Variants in DAB1 observed in about 807,000 individuals in gnomAD.
The protein encoded by DAB1 is DAB adaptor protein 1.
DAB1 carries 15 observed loss-of-function variants against 64.6 expected under a neutral mutation model. The observed-to-expected ratio is 0.23, with a 90% CI of 0.16 to 0.36. DAB1 has a LOEUF of 0.36. Ranked by LOEUF, DAB1 falls within the 10% of genes least tolerant of loss-of-function variation. The probability of loss-of-function intolerance (pLI) is 1.00; values close to 1 mark genes in which losing one functional copy is unlikely to be tolerated. For missense variants in DAB1, 596 were observed against 706.7 expected, an observed-to-expected ratio of 0.84 and a Z score of 1.78; for synonymous variants, 235 against 251.9, an observed-to-expected ratio of 0.93 and a Z score of 0.64.
At chr1:57,646,311 G>A (rs1443587984) in intron 7 of DAB1, among the ~76,000 whole-genome samples, 1 of 152,176 alleles carries the variant, frequency 6.6e-6, no homozygotes, top group Non-Finnish European at 1.5e-5. Flanking sequence ...CAACTATTCA[G>A]AATGCATTCT....
chr1:57,485,961 G>A (rs1016865010), intron 7 of DAB1, among the ~76,000 whole-genome samples: 1 of 152,088 alleles, frequency 6.6e-6, no homozygotes, highest in Non-Finnish European at 1.5e-5. Flanking sequence ...CAGTCCTTTA[G>A]AGGATCTGCA....
At chr1:58,344,502 G>T (rs1643972746) in intron 3 of DAB1, among the ~76,000 whole-genome samples, 1 of 152,090 alleles carries the variant, frequency 6.6e-6, no homozygotes, top group Admixed American at 6.5e-5. Context: ...GAAGGCATTT[G>T]GAAGAATAAA....
At chr1:58,139,622 A>C (rs1292060005) in intron 5 of DAB1, among the ~76,000 whole-genome samples, 1 of 151,110 alleles carries the variant, frequency 6.6e-6, no homozygotes, top group Non-Finnish European at 1.5e-5. Context: ...ACTACAATTT[A>C]AGGTGAGATT....
At chr1:57,274,952 T>C (rs958794061) in intron 2 of DAB1, among the ~76,000 whole-genome samples, 1 of 152,088 alleles carries the variant, frequency 6.6e-6, no homozygotes, top group Admixed American at 6.6e-5. Context: ...TTATGCAAGT[T>C]TCCTCTTTAA....
intron 7 of DAB1, 152 bp downstream of exon 7, chr1:57,070,871 C>T (rs1448696626): frequency 1.4e-6 from 1 of 708,850 alleles, no homozygotes; most frequent in Non-Finnish European, 2.5e-6. Context: ...GAAATTTGCT[C>T]CTGGAGGGGC....
intron 7 of DAB1, among the ~76,000 whole-genome samples, chr1:57,497,775 C>T (rs761286137): frequency 5.3e-5 from 8 of 152,168 alleles, no homozygotes; most frequent in Non-Finnish European, 1.2e-4. Context: ...AGAAGTCAGA[C>T]CATGCAAAGC....
chr1:57,797,389 G>T (rs1650922340), intron 6 of DAB1, among the ~76,000 whole-genome samples: 1 of 152,178 alleles, frequency 6.6e-6, no homozygotes, highest in African/African-American at 2.4e-5. Context: ...TTGTCTTGCT[G>T]TACGATCCTA....
At chr1:58,305,670 A>T (rs1557727575) in intron 4 of DAB1, among the ~76,000 whole-genome samples, 1 of 152,208 alleles carries the variant, frequency 6.6e-6, no homozygotes, top group Non-Finnish European at 1.5e-5. Context: ...TTTTCAAAAA[A>T]GATCAAGTCA....
At chr1:57,818,344 C>T (rs914157565) in intron 6 of DAB1, among the ~76,000 whole-genome samples, 2 of 152,164 alleles carry the variant, frequency 1.3e-5, no homozygotes, top group African/African-American at 4.8e-5. Context: ...ACTTCTAACG[C>T]CCCATGTCCC....
chr1:57,784,357 G>A (rs1028693255), intron 6 of DAB1, among the ~76,000 whole-genome samples: 3 of 152,132 alleles, frequency 2.0e-5, no homozygotes, highest in Non-Finnish European at 4.4e-5. Context: ...TCGCGCCACT[G>A]CACTTAGGCT....
intron 6 of DAB1, among the ~76,000 whole-genome samples, chr1:57,700,693 T>C (rs1646896863): frequency 6.6e-6 from 1 of 152,208 alleles, no homozygotes; most frequent in Non-Finnish European, 1.5e-5. Flanking sequence ...TGTTTGGTGA[T>C]CTCTGACTTT....
chr1:57,090,054 G>A (rs1463441944), intron 4 of DAB1, among the ~76,000 whole-genome samples: 2 of 152,170 alleles, frequency 1.3e-5, no homozygotes, highest in Non-Finnish European at 2.9e-5. Context: ...GTGAGCAGAG[G>A]CAAAACTTGG....
At chr1:57,447,260 T>G (rs1303952199) in intron 7 of DAB1, among the ~76,000 whole-genome samples, 2 of 152,202 alleles carry the variant, frequency 1.3e-5, no homozygotes. Flanking sequence ...GGAGCCTCTG[T>G]GAGTCTATGA....
At chr1:57,364,842 G>GAT (rs144119806) in intron 1 of DAB1, among the ~76,000 whole-genome samples, 42 of 148,130 alleles carry the variant, frequency 2.8e-4, no homozygotes, top group East Asian at 1.4e-3. Context: ...ATTGTTTAGG[G>GAT]ATATATATAT....
At chr1:58,016,187 A>G (rs1536145) in intron 5 of DAB1, among the ~76,000 whole-genome samples, 64,971 of 152,006 alleles carry the variant, frequency 0.43, 14,212 homozygotes, top group East Asian at 0.63. Flanking sequence ...AAGGCCAAAA[A>G]GTAAATATTT....
chr1:57,048,723 C>G (rs1190709721), intron 9 of DAB1, among the ~76,000 whole-genome samples: 2 of 152,186 alleles, frequency 1.3e-5, no homozygotes, highest in East Asian at 3.9e-4. Context: ...TCAACTATAT[C>G]TCCTCTTTCA....
intron 5 of DAB1, among the ~76,000 whole-genome samples, chr1:57,905,332 T>C (rs1249776036): frequency 6.6e-6 from 1 of 151,628 alleles, no homozygotes; most frequent in Non-Finnish European, 1.5e-5. Flanking sequence ...ATCACAGCAG[T>C]TGAGGTGAGG....
intron 6 of DAB1, among the ~76,000 whole-genome samples, chr1:57,814,158 C>T (rs1213396170): frequency 6.6e-6 from 1 of 152,198 alleles, no homozygotes; most frequent in Non-Finnish European, 1.5e-5. Context: ...GGCGAGGACA[C>T]AAATGAGTGT....
chr1:57,043,775 A>G (rs1648104616), intron 9 of DAB1, among the ~76,000 whole-genome samples: 1 of 151,908 alleles, frequency 6.6e-6, no homozygotes. Context: ...TGAACCCAGG[A>G]GATGGAGGTT....
Sources: allele counts gnomAD v4.1 joint callset (sites outside exome capture counted in the v4.1 genomes callset), GRCh38; gene constraint gnomAD v4.1.1; transcripts MANE v1.5; gene names NCBI Gene and HGNC (gene_info 2026-07-23, HGNC 2026-07-21).